MCM8: variants seen among roughly 807,000 people sequenced by gnomAD.
MCM8 encodes the protein minichromosome maintenance 8 homologous recombination repair factor, also known as DNA helicase MCM8.
A neutral mutation model predicts 98.9 loss-of-function variants in MCM8; 85 were observed. That is an observed-to-expected ratio of 0.86 (90% confidence interval 0.72 to 1.03). MCM8 has a LOEUF of 1.03. Among genes scored for constraint, MCM8 ranks in the 50% least tolerant of loss-of-function variants. The probability of loss-of-function intolerance (pLI) is 0.00; values close to 1 mark genes in which losing one functional copy is unlikely to be tolerated. For missense variants in MCM8, 951 were observed against 997.8 expected (o/e 0.95, Z 0.63); for synonymous variants, 352 against 338.6 (o/e 1.04, Z -0.44).
intron 17 of MCM8, among the ~76,000 whole-genome samples, chr20:5,988,391 G>T (rs1242983797): frequency 6.6e-6 from 1 of 152,032 alleles, no homozygotes; most frequent in Non-Finnish European, 1.5e-5. Flanking sequence ...GAACCTGGGA[G>T]GTGGAGGTTG....
intron 16 of MCM8, among the ~76,000 whole-genome samples, chr20:5,986,904 G>A (rs2089745340): frequency 6.6e-6 from 1 of 152,090 alleles, no homozygotes; most frequent in Non-Finnish European, 1.5e-5. Context: ...AAGCCTCATT[G>A]CAGCCTCTCC....
At chr20:5,962,348 A>ATTT (rs1600254109) in intron 7 of MCM8, among the ~76,000 whole-genome samples, 23 of 46,140 alleles carry the variant, frequency 5.0e-4, no homozygotes, top group East Asian at 7.9e-4. Context: ...ATTAGCCTTC[A>ATTT]TTTCTTTTTT....
At chr20:5,990,784 C>A (rs2089835217) in intron 17 of MCM8, among the ~76,000 whole-genome samples, 1 of 151,892 alleles carries the variant, frequency 6.6e-6, no homozygotes, top group South Asian at 2.1e-4. Flanking sequence ...ATAAAAAAAA[C>A]AAAGACCAAA....
At chr20:5,953,867 G>A (rs73596148) in intron 3 of MCM8, among the ~76,000 whole-genome samples, 6,539 of 152,080 alleles carry the variant, frequency 0.043, 283 homozygotes, top group South Asian at 0.12. Flanking sequence ...TGAATGAATA[G>A]AGTACTTTAC....
At position 5,996,279 on chromosome 20, in the gene MCM8, GAAAAAAA is replaced by G. The variant is rs35939975; in HGVS notation, c.*1896_*1902del. The G allele has an allele frequency of 8.4e-6, 1 of 119,534 alleles. No individual in the cohort carries two copies. The highest frequency in any genetic ancestry group is 1.9e-5 in the Non-Finnish European group (1 of 52,230). 7.4% of individuals were successfully genotyped at this position (119,534 alleles called of 1,614,324 possible). ...AGAGAGCAAGACCTTGTCTCTTAAA[GAAAAAAA>G]AAAAAAATGGAGAAAGTAGATAGTA... On this transcript the variant is annotated 3_prime_UTR_variant, in exon 19 of 19. Coordinates refer to ENST00000610722, the MANE Select transcript of MCM8 (RefSeq NM_032485.6).
chr20:5,980,345 A>G (rs543593075), intron 13 of MCM8, among the ~76,000 whole-genome samples: 125 of 152,284 alleles, frequency 8.2e-4, no homozygotes, highest in Non-Finnish European at 1.8e-4. Context: ...TTTCAGTGCC[A>G]TACTCGGCAT....
intron 18 of MCM8, 118 bp from the exon 19 acceptor site, chr20:5,994,181 A>G (rs1478532529): frequency 1.8e-6 from 1 of 552,660 alleles, no homozygotes; most frequent in East Asian, 3.3e-5. Context: ...AGAAATAAAA[A>G]TAATTTTATT....
chr20:5,970,156 C>G (rs529873641), intron 10 of MCM8, among the ~76,000 whole-genome samples: 1 of 152,314 alleles, frequency 6.6e-6, no homozygotes, highest in African/African-American at 2.4e-5. Context: ...ACTTACATTA[C>G]TGTTCACAGT....
chr20:5,994,328 A>G lies in MCM8; in HGVS notation c.2460A>G (p.Ser820=), dbSNP rs968492759. 6.2e-7 allele frequency: 1 copy of G among 1,604,580 alleles called. No homozygotes were observed. The highest frequency in any genetic ancestry group is 8.5e-7 in the Non-Finnish European group (1 of 1,176,520). The change falls in exon 19 of 19, where the codon TCA becomes TCG. Residue 820 remains serine (S), a synonymous_variant. Coordinates refer to ENST00000610722, the MANE Select transcript of MCM8 (RefSeq NM_032485.6). The part of the protein sequence containing the change: ...QVADFENFIG[S]LNDQGYLLKK... Reference sequence around the variant, plus strand: ...CTGATTTTGAAAATTTTATTGGATCACTAAATGACCAGGGTTACCTCTTGA... The same window carrying G: ...CTGATTTTGAAAATTTTATTGGATCGCTAAATGACCAGGGTTACCTCTTGA...
At chr20:5,993,752 A>G in intron 18 of MCM8, 57 bp downstream of exon 18, 7 of 1,347,818 alleles carry the variant, frequency 5.2e-6, no homozygotes, top group Non-Finnish European at 6.0e-6. Flanking sequence ...TTGTTAATAT[A>G]TAGTAGAACA....
rs1247014335 is a variant in MCM8, at chr20:5,972,130, G to T, written c.1254+93G>T. Reference sequence around the variant, plus strand: ...TACAGAAAGTAGCAAATTTCTATTGGCCAGTTATTTATATCTTAATATGCT... The same window carrying T: ...TACAGAAAGTAGCAAATTTCTATTGTCCAGTTATTTATATCTTAATATGCT... On this transcript the variant is annotated intron_variant, in intron 11 of 18. Coordinates refer to ENST00000610722, the MANE Select transcript of MCM8 (RefSeq NM_032485.6). 93 of 895,598 alleles carry T rather than the reference G, an allele frequency of 1.0e-4. 1 individual carries two copies. The highest frequency in any genetic ancestry group is 5.2e-6 in the Non-Finnish European group (3 of 575,882). The allele number at this position is 895,598 out of a possible 1,614,324, so 55.5% of individuals were successfully genotyped here.
chr20:5,991,908 T>C (rs1157970941), intron 17 of MCM8, among the ~76,000 whole-genome samples: 2 of 152,220 alleles, frequency 1.3e-5, no homozygotes, highest in Non-Finnish European at 2.9e-5. Flanking sequence ...GCCCTTAATG[T>C]GGTTTTAAAC....
intron 3 of MCM8, among the ~76,000 whole-genome samples, chr20:5,953,350 C>T (rs780631057): frequency 5.3e-5 from 8 of 151,744 alleles, no homozygotes; most frequent in Non-Finnish European, 1.0e-4. Context: ...TTAGGAATAC[C>T]AATTAACCTA....
Position 5,986,132 on chromosome 20 carries a change from G to GT in MCM8, c.2163+4dup. ...GGAATCTTTGATTCGTCTGACAGAGGTTTGTTTCTTTTTATGGTCATGCTT... is the reference window on the plus strand; with the variant it reads ...GGAATCTTTGATTCGTCTGACAGAGGTTTTGTTTCTTTTTATGGTCATGCTT... On this transcript the variant is annotated splice_donor_variant, in intron 16 of 18. Transcript: ENST00000610722. LOFTEE classifies it high-confidence loss of function. The GT allele has an allele frequency of 6.2e-7, 1 of 1,614,012 alleles. No homozygotes were observed. The highest frequency in any genetic ancestry group is 8.5e-7 in the Non-Finnish European group (1 of 1,179,948).
intron 13 of MCM8, among the ~76,000 whole-genome samples, chr20:5,982,517 T>C (rs1438764187): frequency 6.6e-6 from 1 of 152,188 alleles, no homozygotes; most frequent in Non-Finnish European, 1.5e-5. Flanking sequence ...GTGATTTCCC[T>C]ATAAGTGCAT....
At chr20:5,972,657 C>G (rs570346297) in intron 11 of MCM8, 4 of 837,906 alleles carry the variant, frequency 4.8e-6, no homozygotes, top group East Asian at 6.2e-5. Context: ...CAAGTTCAAA[C>G]AGTTCTCCCA....
intron 13 of MCM8, among the ~76,000 whole-genome samples, chr20:5,980,928 G>T (rs2089617065): frequency 6.6e-6 from 1 of 151,838 alleles, no homozygotes; most frequent in African/African-American, 2.4e-5. Context: ...AAAACAAGGG[G>T]TCATTAAACT....
chr20:5,979,878 A>C (rs549202712), intron 13 of MCM8, among the ~76,000 whole-genome samples: 1 of 152,326 alleles, frequency 6.6e-6, no homozygotes, highest in Non-Finnish European at 1.5e-5. Context: ...CAAAGTCTTG[A>C]GAGTGGCCCA....
At position 5,984,712 on chromosome 20, in the gene MCM8, G is replaced by A. The variant is rs2089694693; in HGVS notation, c.1734-69G>A. 3 of 1,288,514 alleles carry A rather than the reference G, an allele frequency of 2.3e-6. No homozygotes were observed. The East Asian group carries it at 6.9e-5, about 30-fold the overall frequency. The allele number at this position is 1,288,514 out of a possible 1,614,324, so 79.8% of individuals were successfully genotyped here. On this transcript the variant is annotated intron_variant, in intron 14 of 18. Transcript: ENST00000610722. ...CGTGGAACTTGAGTAGTAAATAAGT[G>A]AGTAGACAGTTTTCTAGTTTTTCCT...
Sources: allele counts gnomAD v4.1 joint callset (sites outside exome capture counted in the v4.1 genomes callset), GRCh38; gene constraint gnomAD v4.1.1; transcripts MANE v1.5; gene names NCBI Gene and HGNC (gene_info 2026-07-23, HGNC 2026-07-21).